The following LRMDA variants were observed in gnomAD, a reference collection of about 807,000 sequenced individuals.
LRMDA encodes leucine rich melanocyte differentiation associated.
Under a neutral mutation model 29.8 loss-of-function variants are expected in LRMDA, and 18 were observed. That is an observed-to-expected ratio of 0.60 (90% CI 0.42 to 0.90). The LOEUF (loss-of-function observed/expected upper bound fraction) is 0.90, where lower values mean the gene tolerates loss of function less well. Among genes scored for constraint, LRMDA ranks in the 40% least tolerant of loss-of-function variants. The pLI is 0.00. For synonymous variants in LRMDA, 125 were observed against 109.4 expected (o/e 1.14, Z -0.89); for missense variants, 273 against 273.9 (o/e 1.00, Z 0.02).
chr10:76,312,645 G>A (rs1479199263), intron 5 of LRMDA, among the ~76,000 whole-genome samples: 5 of 152,106 alleles, frequency 3.3e-5, no homozygotes, highest in South Asian at 2.1e-4. Context: ...TAGCCTTCTC[G>A]TCTGAGTTAG....
At chr10:76,152,901 C>T (rs772610085) in intron 5 of LRMDA, among the ~76,000 whole-genome samples, 9 of 151,448 alleles carry the variant, frequency 5.9e-5, no homozygotes, top group Admixed American at 3.9e-4. Context: ...TGTGCAGTGG[C>T]GTGATCTCGG....
chr10:76,075,530 T>C (rs1352044002), intron 5 of LRMDA, among the ~76,000 whole-genome samples: 1 of 152,220 alleles, frequency 6.6e-6, no homozygotes. Context: ...CCTGGAAAAC[T>C]AATACAGCAG....
At chr10:76,482,063 T>C (rs2132327370) in intron 6 of LRMDA, among the ~76,000 whole-genome samples, 1 of 151,998 alleles carries the variant, frequency 6.6e-6, no homozygotes, top group South Asian at 2.1e-4. Context: ...GCCTGTCCAA[T>C]TTTTTCTCTT....
intron 6 of LRMDA, among the ~76,000 whole-genome samples, chr10:76,478,529 C>G (rs1287996090): frequency 6.6e-6 from 1 of 152,100 alleles, no homozygotes; most frequent in Non-Finnish European, 1.5e-5. Context: ...TCATTTGACC[C>G]AGCCATCCCA....
intron 2 of LRMDA, among the ~76,000 whole-genome samples, chr10:75,679,596 A>G (rs180720443): frequency 1.3e-5 from 2 of 151,700 alleles, no homozygotes; most frequent in Admixed American, 6.6e-5. Context: ...AGAGAGTGAC[A>G]TGTGGTGTAC....
At chr10:76,403,062 G>A (rs1041562783) in intron 6 of LRMDA, among the ~76,000 whole-genome samples, 2 of 151,734 alleles carry the variant, frequency 1.3e-5, no homozygotes, top group Non-Finnish European at 2.9e-5. Context: ...TGTTCTGCAT[G>A]TTGCCCTTCA....
chr10:76,144,521 G>A (rs1285901880), intron 5 of LRMDA, among the ~76,000 whole-genome samples: 2 of 152,150 alleles, frequency 1.3e-5, no homozygotes, highest in Non-Finnish European at 2.9e-5. Context: ...AAGAATGCTT[G>A]TGATTTTTGT....
intron 2 of LRMDA, among the ~76,000 whole-genome samples, chr10:75,890,714 TG>T (rs1350867545): frequency 1.3e-5 from 2 of 152,206 alleles, no homozygotes; most frequent in Non-Finnish European, 2.9e-5. Context: ...GGATGCCAGC[TG>T]GCCATGGTAT....
intron 2 of LRMDA, among the ~76,000 whole-genome samples, chr10:75,675,151 A>G (rs953675062): frequency 7.2e-5 from 11 of 152,188 alleles, no homozygotes; most frequent in Admixed American, 7.2e-4. Flanking sequence ...GAATTCAAAT[A>G]CAGTCTATTA....
intron 6 of LRMDA, among the ~76,000 whole-genome samples, chr10:76,488,022 C>T (rs1842799352): frequency 1.3e-5 from 2 of 151,550 alleles, no homozygotes; most frequent in African/African-American, 4.9e-5. Flanking sequence ...TGATTTAGTT[C>T]TCATTTTTTT....
intron 5 of LRMDA, among the ~76,000 whole-genome samples, chr10:76,214,994 C>A (rs1467990905): frequency 1.3e-5 from 2 of 152,200 alleles, no homozygotes; most frequent in African/African-American, 2.4e-5. Context: ...AAATCAGTTT[C>A]TTTGCAGCTG....
intron 2 of LRMDA, among the ~76,000 whole-genome samples, chr10:75,848,000 T>G (rs1844670026): frequency 6.6e-6 from 1 of 152,230 alleles, no homozygotes; most frequent in Admixed American, 6.5e-5. Flanking sequence ...AAAAACAGTA[T>G]AGAGGTTCCT....
chr10:75,506,162 T>C (rs1450832904), intron 2 of LRMDA, among the ~76,000 whole-genome samples: 1 of 152,194 alleles, frequency 6.6e-6, no homozygotes, highest in Non-Finnish European at 1.5e-5. Flanking sequence ...AATCCTGTCC[T>C]GCTTTACCTT....
At chr10:75,615,102 T>C (rs1841082970) in intron 2 of LRMDA, among the ~76,000 whole-genome samples, 1 of 152,220 alleles carries the variant, frequency 6.6e-6, no homozygotes, top group Admixed American at 6.5e-5. Context: ...TCATCTCTGC[T>C]AATTAAAGAC....
At chr10:76,160,122 C>T (rs1225171746) in intron 5 of LRMDA, among the ~76,000 whole-genome samples, 1 of 151,860 alleles carries the variant, frequency 6.6e-6, no homozygotes, top group Non-Finnish European at 1.5e-5. Context: ...GTATGTATCC[C>T]CCCATTTCCC....
intron 5 of LRMDA, among the ~76,000 whole-genome samples, chr10:76,237,809 T>TTA (rs1554857744): frequency 6.7e-6 from 1 of 148,990 alleles, no homozygotes; most frequent in African/African-American, 2.5e-5. Context: ...TTTTTTTTTT[T>TTA]AAGATGGAGT....
intron 2 of LRMDA, among the ~76,000 whole-genome samples, chr10:76,024,344 C>T (rs557113977): frequency 6.6e-6 from 1 of 152,310 alleles, no homozygotes; most frequent in African/African-American, 2.4e-5. Context: ...TTGTTAGGTG[C>T]TAGTACACAG....
intron 6 of LRMDA, among the ~76,000 whole-genome samples, chr10:76,417,667 T>C (rs756166412): frequency 5.3e-5 from 8 of 152,356 alleles, no homozygotes; most frequent in Admixed American, 1.3e-4. Flanking sequence ...TTGTTGTTGT[T>C]CAATGTTAAA....
chr10:75,468,589 A>G (rs988647710), intron 2 of LRMDA, among the ~76,000 whole-genome samples: 1 of 152,148 alleles, frequency 6.6e-6, no homozygotes, highest in African/African-American at 2.4e-5. Flanking sequence ...AAGGTTCTGC[A>G]CCTGAAGTGA....
Sources: allele counts gnomAD v4.1 joint callset (sites outside exome capture counted in the v4.1 genomes callset), GRCh38; gene constraint gnomAD v4.1.1; transcripts MANE v1.5; gene names NCBI Gene and HGNC (gene_info 2026-07-23, HGNC 2026-07-21).